PKP1: variants seen among roughly 807,000 people sequenced by gnomAD.
PKP1 encodes the protein plakophilin 1.
Under a neutral mutation model 76.4 loss-of-function variants are expected in PKP1, and 27 were observed. The ratio of observed to expected loss-of-function variants is 0.35; its 90% CI spans 0.26 to 0.49. The LOEUF (loss-of-function observed/expected upper bound fraction) is 0.49. PKP1 is among the 20% of genes least tolerant of loss of function. The pLI is 0.99. For missense variants in PKP1, 964 were observed against 955.2 expected, an observed-to-expected ratio of 1.01 and a Z score of -0.12; for synonymous variants, 404 against 384.2, an observed-to-expected ratio of 1.05 and a Z score of -0.60.
intron 2 of PKP1, among the ~76,000 whole-genome samples, chr1:201,300,680 G>A (rs1329782673): frequency 2.0e-5 from 3 of 152,212 alleles, no homozygotes; most frequent in East Asian, 1.9e-4. Flanking sequence ...TAACTCTGAC[G>A]TCTGGCTTCT....
At chr1:201,325,149 C>A in intron 11 of PKP1, 22 bp downstream of exon 11, 1 of 1,610,254 alleles carries the variant, frequency 6.2e-7, no homozygotes, top group Non-Finnish European at 8.5e-7. Context: ...GTTGCTCCCA[C>A]GGGCTGCACC....
intron 7 of PKP1, among the ~76,000 whole-genome samples, 161 bp downstream of exon 7, chr1:201,320,542 T>C (rs920435434): frequency 6.6e-6 from 1 of 152,170 alleles, no homozygotes; most frequent in Non-Finnish European, 1.5e-5. Context: ...AGGAGTGGGC[T>C]CTGGGGACAG....
In PKP1 at chr1:201,332,431, G is replaced by A. The variant is rs1453130768; in HGVS notation, c.*2390G>A. ...GCCTCTGACCCAGGCCTGTCACTTT[G>A]AGAGGGGCAAAACTGAGAGGGGCTT... On this transcript the variant is annotated 3_prime_UTR_variant, in exon 14 of 14. Transcript: ENST00000367324. 1 of 152,280 alleles carries A rather than the reference G, an allele frequency of 6.6e-6. No individual in the cohort carries two copies. The highest frequency in any genetic ancestry group is 2.4e-5 in the African/African-American group (1 of 41,456). The allele number at this position is 152,280 out of a possible 1,614,324, so 9.4% of individuals were successfully genotyped here. A position where few individuals can be genotyped will look rare whatever the true frequency, so the allele number is the denominator to read the frequency against.
chr1:201,297,477 T>C (rs1168300392), intron 2 of PKP1, among the ~76,000 whole-genome samples: 1 of 152,112 alleles, frequency 6.6e-6, no homozygotes, highest in East Asian at 1.9e-4. Context: ...ACCAAACCTG[T>C]AGAATATTAG....
At position 201,326,386 on chromosome 1, in the gene PKP1, C is replaced by T. The variant is rs79879450; in HGVS notation, c.2106+548C>T. Among the ~76,000 whole-genome samples the T allele has an allele frequency of 8.5e-3, 1,298 of 152,338 alleles. 17 individuals carry two copies. The highest frequency in any genetic ancestry group is 0.03 in the African/African-American group (1,246 of 41,568). ...TGTCCTGTGGTGACCTTGGCCTCCT[C>T]TCTGTCCTCCACCCCTCCCCAGCTA... On this transcript the variant is annotated intron_variant, in intron 12 of 13. Transcript: ENST00000367324.
At position 201,318,605 on chromosome 1, in the gene PKP1, C is replaced by T. The variant is rs762512123; in HGVS notation, c.1055-13C>T. The T allele has an allele frequency of 1.2e-6, 2 of 1,611,896 alleles. No individual in the cohort carries two copies. Among genetic ancestry groups the T allele is most frequent in the Non-Finnish European group, 1.7e-6 (2 of 1,179,720 alleles). ...GCCTGGCACAAATTGGGTTGATGGT[C>T]TCTGACCCCCAGGGCTGCTCTGGAA... On this transcript the variant is annotated splice_polypyrimidine_tract_variant and intron_variant, in intron 5 of 13. Transcript: ENST00000367324.
At chr1:201,286,212 A>G (rs1161338592) in intron 1 of PKP1, among the ~76,000 whole-genome samples, 1 of 152,140 alleles carries the variant, frequency 6.6e-6, no homozygotes, top group African/African-American at 2.4e-5. Context: ...CTGTGGAAGG[A>G]CCATGCCCCA....
intron 1 of PKP1, among the ~76,000 whole-genome samples, chr1:201,292,831 G>A (rs564352129): frequency 9.2e-5 from 14 of 152,372 alleles, no homozygotes; most frequent in African/African-American, 2.9e-4. Context: ...TAACAAGAGT[G>A]TGGGCCAGGC....
intron 11 of PKP1, among the ~76,000 whole-genome samples, 197 bp from the exon 12 acceptor site, chr1:201,325,557 G>T (rs1236329394): frequency 6.6e-6 from 1 of 152,038 alleles, no homozygotes; most frequent in African/African-American, 2.4e-5. Context: ...GGTGGGCAGG[G>T]GCATGGGGTT....
Position 201,318,721 on chromosome 1 carries a change from G to T in PKP1, c.1158G>T (p.Trp386Cys). 1 of 1,612,116 alleles carries T rather than the reference G, an allele frequency of 6.2e-7. No individual in the cohort carries two copies. The highest frequency in any genetic ancestry group is 8.5e-7 in the Non-Finnish European group (1 of 1,179,816). Residue 386 changes from tryptophan (W) to cysteine (C), a missense_variant, in exon 6 of 14, where the codon TGG becomes TGT. Physicochemically the swap from Trp to Cys is radical, Grantham distance 215. Coordinates refer to ENST00000367324, the MANE Select transcript of PKP1 (RefSeq NM_001005337.3). ...ADRVIIPFSG[W>C]CDGNSNMSRE... Reference sequence around the variant, plus strand: ...GCGTCATCATTCCCTTCTCTGGCTGGTGCGATGGCAATAGCAACATGTCCC... The same window carrying T: ...GCGTCATCATTCCCTTCTCTGGCTGTTGCGATGGCAATAGCAACATGTCCC...
In PKP1 at chr1:201,290,994, G is replaced by A. The variant is rs1558182643; in HGVS notation, c.203-2948G>A. 2.6e-5 allele frequency among the ~76,000 whole-genome samples: 4 copies of A among 152,188 alleles called. No individual in the cohort carries two copies. The South Asian group carries it at 6.2e-4, about 24-fold the overall frequency. ...GACTTTTAGAGGGCATTACTTACCA[G>A]TCAGACACCCCAGGGTCAAGAGAGG... On this transcript the variant is annotated intron_variant, in intron 1 of 13. Coordinates refer to ENST00000367324, the MANE Select transcript of PKP1 (RefSeq NM_001005337.3).
chr1:201,313,201 C>A lies in PKP1; in HGVS notation c.342C>A (p.Asn114Lys). The A allele has an allele frequency of 6.2e-7, 1 of 1,607,136 alleles. No homozygotes were observed. The highest frequency in any genetic ancestry group is 8.5e-7 in the Non-Finnish European group (1 of 1,177,212). The change falls in exon 3 of 14, where the codon AAC (asparagine) becomes AAA (lysine). Residue 114 changes from asparagine to lysine, a missense_variant. Transcript: ENST00000367324. ...GAACCCTCAAGCGGGAGCCTGACAA[C>A]AGGCGCTTCAGCTCCTACAGCCAGA... ...YNGTLKREPD[N>K]RRFSSYSQME...
chr1:201,295,639 G>A (rs1656049728), intron 2 of PKP1, among the ~76,000 whole-genome samples: 1 of 152,204 alleles, frequency 6.6e-6, no homozygotes, highest in African/African-American at 2.4e-5. Flanking sequence ...CCAGTTCAGA[G>A]CTTAGGAGGC....
At chr1:201,299,722 A>G (rs1449809994) in intron 2 of PKP1, among the ~76,000 whole-genome samples, 1 of 152,272 alleles carries the variant, frequency 6.6e-6, no homozygotes, top group Non-Finnish European at 1.5e-5. Context: ...TAGCCCTTGC[A>G]ACAGGATGAA....
chr1:201,314,982 G>A (rs12136453), intron 3 of PKP1, among the ~76,000 whole-genome samples: 21,157 of 152,300 alleles, frequency 0.14, 1,922 homozygotes, highest in African/African-American at 0.26. Context: ...CACACAGCTG[G>A]CTCTCCATCC....
At chr1:201,327,899 G>A (rs2102189119) in intron 12 of PKP1, among the ~76,000 whole-genome samples, 1 of 152,306 alleles carries the variant, frequency 6.6e-6, no homozygotes, top group East Asian at 1.9e-4. Flanking sequence ...TTGATTCAGT[G>A]AGTCAGGGCA....
rs926871091 is a variant in PKP1 at position 201,317,687 on chromosome 1, A to C, written c.962A>C (p.Asn321Thr). The C allele has an allele frequency of 6.2e-7, 1 of 1,613,846 alleles. No homozygotes were observed. Among genetic ancestry groups the C allele is most frequent in the Non-Finnish European group, 8.5e-7 (1 of 1,179,942 alleles). ...LRNLVFRSTT[N>T]KLETRRQNGI... ...AACCTGGTGTTCAGGAGCACCACCA[A>C]CAAGCTGGAGACCCGGAGGCAGAAT... The change falls in exon 5 of 14, where the codon AAC (asparagine) becomes ACC (threonine). Residue 321 changes from asparagine to threonine, a missense_variant. By Grantham distance (65) the Asn-to-Thr change is moderately conservative. Coordinates refer to ENST00000367324, the MANE Select transcript of PKP1 (RefSeq NM_001005337.3).
chr1:201,326,893 A>C (rs529323670), intron 12 of PKP1, among the ~76,000 whole-genome samples: 46 of 152,356 alleles, frequency 3.0e-4, no homozygotes, highest in South Asian at 2.5e-3. Flanking sequence ...GGAACTGTGC[A>C]GGGTGCCAGA....
Position 201,313,088 on chromosome 1 carries a change from G to T in PKP1, c.307-78G>T. On this transcript the variant is annotated intron_variant, in intron 2 of 13. Transcript: ENST00000367324. The stretch of plus-strand genomic sequence containing the variant: ...AGCGTTATTATGGGGGCTGGGGAGG[G>T]CTGTATCTCATGCCCTGCTGGATCC... The T allele has an allele frequency of 2.8e-6, 4 of 1,425,574 alleles. No individual in the cohort carries two copies. In the Admixed American group the frequency reaches 7.5e-5, roughly 27 times the overall value. 88.3% of individuals were successfully genotyped at this position (1,425,574 alleles called of 1,614,324 possible). A position where few individuals can be genotyped will look rare whatever the true frequency, so the allele number is the denominator to read the frequency against.
Sources: gnomAD v4.1 joint callset for allele counts (sites outside exome capture counted in the v4.1 genomes callset) on GRCh38, gnomAD v4.1.1 for gene constraint, MANE v1.5 for transcripts, NCBI Gene and HGNC (gene_info 2026-07-23, HGNC 2026-07-21) for gene names.